RPF2: variants seen among roughly 807,000 people sequenced by gnomAD.
The protein encoded by RPF2 is brix domain containing 1.
Under a neutral mutation model 38.9 loss-of-function variants are expected in RPF2, and 21 were observed. That is an observed-to-expected ratio of 0.54 (90% CI 0.38 to 0.78). RPF2 has a LOEUF of 0.78. Among genes scored for constraint, RPF2 ranks in the 30% least tolerant of loss-of-function variants. RPF2 has a pLI of 0.00. For missense variants in RPF2, 314 were observed against 358.1 expected (o/e 0.88, Z 0.99); for synonymous variants, 121 against 126.2 (o/e 0.96, Z 0.28).
chr6:111,007,757 C>G (rs754811099), intron 6 of RPF2, among the ~76,000 whole-genome samples: 1 of 151,858 alleles, frequency 6.6e-6, no homozygotes, highest in Non-Finnish European at 1.5e-5. Context: ...CCAGCCTAAC[C>G]AGCATGATGA....
chr6:111,000,986 G>A (rs921872325), intron 6 of RPF2, among the ~76,000 whole-genome samples: 3 of 152,166 alleles, frequency 2.0e-5, no homozygotes, highest in Admixed American at 2.0e-4. Flanking sequence ...GACTTTAAGA[G>A]GAGGACATGC....
chr6:110,995,059 C>T (rs1200339455), intron 4 of RPF2, among the ~76,000 whole-genome samples: 1 of 150,704 alleles, frequency 6.6e-6, no homozygotes, highest in African/African-American at 2.5e-5. Flanking sequence ...TGTATACCAC[C>T]ATACCCGGAT....
At chr6:110,993,509 T>C (rs1771656373) in intron 4 of RPF2, among the ~76,000 whole-genome samples, 1 of 152,188 alleles carries the variant, frequency 6.6e-6, no homozygotes. Flanking sequence ...AAAGTAAAAA[T>C]ATAAGATTTA....
At chr6:111,013,690 C>G (rs1374421915) in intron 7 of RPF2, among the ~76,000 whole-genome samples, 2 of 152,070 alleles carry the variant, frequency 1.3e-5, no homozygotes, top group East Asian at 3.8e-4. Context: ...ATTTCGTTTC[C>G]CAGAAGTACT....
intron 6 of RPF2, among the ~76,000 whole-genome samples, chr6:111,004,063 TTGGCCTCCCAAAGTGCTGG>T (rs1243977178): frequency 2.0e-5 from 3 of 152,120 alleles, no homozygotes; most frequent in Admixed American, 6.6e-5. Context: ...TCCACCCACC[TTGGCCTCCCAAAGTGCTGG>T]GATTATAGAT....
At chr6:110,995,012 C>T (rs911589066) in intron 4 of RPF2, among the ~76,000 whole-genome samples, 20 of 152,036 alleles carry the variant, frequency 1.3e-4, no homozygotes, top group African/African-American at 4.8e-4. Flanking sequence ...TCAAGCGATC[C>T]TCCCACCTCA....
chr6:111,001,109 G>C (rs2114316292), intron 6 of RPF2, among the ~76,000 whole-genome samples: 1 of 152,278 alleles, frequency 6.6e-6, no homozygotes, highest in East Asian at 1.9e-4. Context: ...TCAGGTACAG[G>C]TGGAACAGTG....
intron 8 of RPF2, 63 bp downstream of exon 8, chr6:111,015,919 G>T (rs1334477264): frequency 3.8e-5 from 46 of 1,224,946 alleles, no homozygotes; most frequent in Non-Finnish European, 5.3e-5. Context: ...CTGTGTGACT[G>T]TTTTTTAGAG....
intron 1 of RPF2, chr6:110,982,621 G>T (rs1018039036): frequency 6.5e-6 from 1 of 155,004 alleles, no homozygotes; most frequent in African/African-American, 2.4e-5. Context: ...GCTGCAGCAC[G>T]TAGAAATGTT....
At chr6:111,008,933 T>C (rs1436891708) in intron 7 of RPF2, among the ~76,000 whole-genome samples, 1 of 138,724 alleles carries the variant, frequency 7.2e-6, no homozygotes, top group Non-Finnish European at 1.5e-5. Context: ...AGAGTCTTGC[T>C]CTGTTGCCCA....
chr6:111,024,649 C>T (rs912024747), intron 9 of RPF2, among the ~76,000 whole-genome samples: 3 of 148,122 alleles, frequency 2.0e-5, no homozygotes, highest in African/African-American at 5.0e-5. Context: ...GGAGGTGGAG[C>T]TTGCAGTGAG....
chr6:110,996,694 C>A (rs1009580696), intron 4 of RPF2, among the ~76,000 whole-genome samples: 8 of 152,152 alleles, frequency 5.3e-5, no homozygotes, highest in African/African-American at 1.9e-4. Flanking sequence ...AATCAGGAAA[C>A]TTGAAGTAAA....
At chr6:110,993,383 GTAAC>G (rs1223484203) in intron 4 of RPF2, among the ~76,000 whole-genome samples, 20 of 151,654 alleles carry the variant, frequency 1.3e-4, no homozygotes, top group African/African-American at 4.1e-4. Context: ...TAATCTTATT[GTAAC>G]TAACTGCAGT....
At chr6:110,984,008 G>A (rs1458758295) in intron 1 of RPF2, among the ~76,000 whole-genome samples, 6 of 152,068 alleles carry the variant, frequency 3.9e-5, no homozygotes, top group Non-Finnish European at 2.9e-5. Flanking sequence ...CAGCCTGGGC[G>A]ACAGAGCGAG....
intron 4 of RPF2, among the ~76,000 whole-genome samples, chr6:110,996,753 C>G (rs1196299777): frequency 6.6e-6 from 1 of 151,976 alleles, no homozygotes; most frequent in Non-Finnish European, 1.5e-5. Context: ...TTCATTAAGT[C>G]TTCATTAACT....
At chr6:111,022,929 C>A (rs903015508) in intron 8 of RPF2, among the ~76,000 whole-genome samples, 49 of 152,250 alleles carry the variant, frequency 3.2e-4, no homozygotes, top group Admixed American at 3.2e-3. Flanking sequence ...GACGGAGTCT[C>A]GCCCTGTCGC....
intron 5 of RPF2, among the ~76,000 whole-genome samples, chr6:110,998,120 G>C (rs889176885): frequency 6.6e-6 from 1 of 152,094 alleles, no homozygotes; most frequent in Non-Finnish European, 1.5e-5. Context: ...GGCCAGGCTG[G>C]TCTTGAACTC....
chr6:111,020,224 A>C (rs1772207504), intron 8 of RPF2, among the ~76,000 whole-genome samples: 1 of 149,900 alleles, frequency 6.7e-6, no homozygotes, highest in South Asian at 2.1e-4. Context: ...GACCTGGAAC[A>C]CTTCTTTTTT....
rs527598850 is a variant in RPF2 at position 111,008,432 on chromosome 6, AG to A, written c.493+296del. Among the ~76,000 whole-genome samples the A allele has an allele frequency of 6.0e-5, 9 of 151,246 alleles. No homozygotes were observed. In the South Asian group the frequency reaches 1.9e-3, roughly 32 times the overall value. On this transcript the variant is annotated intron_variant, in intron 7 of 9. Coordinates refer to ENST00000441448, the MANE Select transcript of RPF2 (RefSeq NM_032194.3). ...TCTCTTTTTTTTTTCCCTTACCAGC[AG>A]CAGGAAAGCACCTAAGTATCTCGGG...
Sources: gnomAD v4.1 joint callset for allele counts (sites outside exome capture counted in the v4.1 genomes callset) on GRCh38, gnomAD v4.1.1 for gene constraint, MANE v1.5 for transcripts, NCBI Gene and HGNC (gene_info 2026-07-23, HGNC 2026-07-21) for gene names.